The following LEKR1 variants were observed in gnomAD, a reference collection of about 807,000 sequenced individuals.
LEKR1 encodes the protein leucine, glutamate and lysine rich 1.
In LEKR1, 59 loss-of-function variants were observed where a neutral mutation model predicts 72.4. That is an observed-to-expected ratio of 0.82 (90% CI 0.66 to 1.01). The LOEUF is 1.01. Ranked by LOEUF, LEKR1 falls within the 50% of genes least tolerant of loss-of-function variation. The probability of loss-of-function intolerance (pLI) is 0.00; values close to 1 mark genes in which losing one functional copy is unlikely to be tolerated. For missense variants in LEKR1, 728 were observed against 759.2 expected (o/e 0.96, Z 0.48); for synonymous variants, 257 against 263.2 (o/e 0.98, Z 0.23).
intron 6 of LEKR1, among the ~76,000 whole-genome samples, chr3:156,967,353 T>C (rs140136055): frequency 0.025 from 3,761 of 152,070 alleles, 144 homozygotes; most frequent in East Asian, 0.16. Flanking sequence ...TTCGAACCCA[T>C]GGCAAAGAAG....
chr3:156,910,018 G>A (rs1383862035), intron 3 of LEKR1, among the ~76,000 whole-genome samples: 1 of 151,998 alleles, frequency 6.6e-6, no homozygotes. Context: ...ACAATGTTTG[G>A]TTAACTCCTT....
At chr3:156,864,351 A>C (rs1178332956) in intron 3 of LEKR1, among the ~76,000 whole-genome samples, 2 of 152,052 alleles carry the variant, frequency 1.3e-5, no homozygotes, top group Non-Finnish European at 2.9e-5. Context: ...CACACTCTTC[A>C]TACAAGTACC....
intron 7 of LEKR1, among the ~76,000 whole-genome samples, chr3:156,992,078 A>T (rs1426447506): frequency 6.6e-6 from 1 of 152,190 alleles, no homozygotes; most frequent in East Asian, 1.9e-4. Context: ...GAATATGCTT[A>T]ATACATGTGT....
chr3:156,893,751 CT>C (rs1346938515), intron 3 of LEKR1, among the ~76,000 whole-genome samples: 4 of 152,180 alleles, frequency 2.6e-5, no homozygotes, highest in Non-Finnish European at 5.9e-5. Context: ...AATTAAACCT[CT>C]TTTCTTTATA....
At chr3:156,836,484 G>A (rs1713165032) in intron 2 of LEKR1, among the ~76,000 whole-genome samples, 1 of 152,168 alleles carries the variant, frequency 6.6e-6, no homozygotes, top group Non-Finnish European at 1.5e-5. Flanking sequence ...TATGTATAGT[G>A]TAAATATCAA....
chr3:157,008,436 TA>T (rs1732634484), intron 9 of LEKR1, among the ~76,000 whole-genome samples: 1 of 152,272 alleles, frequency 6.6e-6, no homozygotes, highest in Non-Finnish European at 1.5e-5. Context: ...TGAAGGTTTG[TA>T]TATGTATCAA....
chr3:157,041,132 A>G (rs1280658048), intron 12 of LEKR1, among the ~76,000 whole-genome samples: 2 of 152,142 alleles, frequency 1.3e-5, no homozygotes, highest in Admixed American at 1.3e-4. Flanking sequence ...GTCATATTTT[A>G]AGCCCATTCA....
chr3:157,014,414 C>G (rs1733145248), intron 10 of LEKR1, among the ~76,000 whole-genome samples: 1 of 151,820 alleles, frequency 6.6e-6, no homozygotes, highest in Admixed American at 6.6e-5. Flanking sequence ...AAGTTTACTT[C>G]AAGAAATAGT....
At chr3:156,974,863 C>G (rs1269664148) in intron 6 of LEKR1, among the ~76,000 whole-genome samples, 2 of 152,040 alleles carry the variant, frequency 1.3e-5, no homozygotes, top group Admixed American at 1.3e-4. Context: ...TTAACACTTC[C>G]ATTTTTACTC....
intron 5 of LEKR1, among the ~76,000 whole-genome samples, chr3:156,929,023 C>T (rs1440255962): frequency 1.3e-5 from 2 of 151,800 alleles, no homozygotes; most frequent in Non-Finnish European, 2.9e-5. Context: ...TTCAAATTAG[C>T]TATCATAACA....
intron 7 of LEKR1, among the ~76,000 whole-genome samples, chr3:156,990,819 T>C (rs1448078666): frequency 6.6e-6 from 1 of 152,182 alleles, no homozygotes; most frequent in Non-Finnish European, 1.5e-5. Flanking sequence ...CAGATATACT[T>C]ACTTTGCCCC....
chr3:156,849,728 C>T (rs187114352), intron 2 of LEKR1, among the ~76,000 whole-genome samples: 417 of 152,294 alleles, frequency 2.7e-3, no homozygotes, highest in Non-Finnish European at 4.1e-3. Flanking sequence ...AAACTGGATC[C>T]CTTCCTTGCA....
intron 2 of LEKR1, among the ~76,000 whole-genome samples, chr3:156,841,339 A>G (rs538944688): frequency 6.6e-6 from 1 of 152,358 alleles, no homozygotes; most frequent in South Asian, 2.1e-4. Context: ...ATTTATTTTT[A>G]TAAGGTTTTT....
At chr3:156,970,957 A>G (rs1269846609) in intron 6 of LEKR1, among the ~76,000 whole-genome samples, 9 of 151,838 alleles carry the variant, frequency 5.9e-5, no homozygotes, top group Non-Finnish European at 4.4e-5. Flanking sequence ...TCAAGCTACC[A>G]ATGACTTTCT....
At chr3:156,977,965 A>T in intron 6 of LEKR1, 1 of 153,924 alleles carries the variant, frequency 6.5e-6, no homozygotes, top group East Asian at 1.9e-4. Context: ...ATATCATCCA[A>T]AACTTCCATA....
chr3:156,927,440 C>A lies in LEKR1; in HGVS notation c.395C>A (p.Ser132Ter). ...RQSYIFSQRLSEYKYFWNKTL... is the reference protein window; with the variant it reads ...RQSYIFSQRL ...TTTTTACTTTGCAGTCAAAGATTGT[C>A]AGAGTACAAATATTTCTGGAATAAG... is the stretch of plus-strand genomic sequence containing the variant. The change falls in exon 5 of 13, where the codon TCA (serine) becomes TAA (stop). Residue 132 changes from serine (S) to a stop codon, truncating the protein, a stop_gained. Transcript: ENST00000356539. LOFTEE classifies it high-confidence loss of function. 1 of 1,077,192 alleles carries A rather than the reference C, an allele frequency of 9.3e-7. No homozygotes were observed. The highest frequency in any genetic ancestry group is 1.2e-6 in the Non-Finnish European group (1 of 863,382). 66.7% of individuals were successfully genotyped at this position (1,077,192 alleles called of 1,614,324 possible). A position where few individuals can be genotyped will look rare whatever the true frequency, so the allele number is the denominator to read the frequency against.
intron 2 of LEKR1, among the ~76,000 whole-genome samples, chr3:156,849,203 A>G (rs560961299): frequency 6.6e-6 from 1 of 152,344 alleles, no homozygotes; most frequent in Non-Finnish European, 1.5e-5. Flanking sequence ...CTTACAAGGG[A>G]TGTGAAGGAC....
intron 3 of LEKR1, among the ~76,000 whole-genome samples, chr3:156,868,171 A>T (rs1368246274): frequency 6.6e-6 from 1 of 152,050 alleles, no homozygotes; most frequent in Admixed American, 6.6e-5. Context: ...AACCTTACTC[A>T]CACTGAATTC....
At chr3:156,982,574 A>G (rs1236436424) in intron 7 of LEKR1, among the ~76,000 whole-genome samples, 5 of 152,192 alleles carry the variant, frequency 3.3e-5, no homozygotes. Flanking sequence ...AATAATTGGA[A>G]CTCTGATGGG....
Sources: allele counts gnomAD v4.1 joint callset (sites outside exome capture counted in the v4.1 genomes callset), GRCh38; gene constraint gnomAD v4.1.1; transcripts MANE v1.5; gene names NCBI Gene and HGNC (gene_info 2026-07-23, HGNC 2026-07-21).